Variants in ESRRG observed in about 807,000 individuals in gnomAD.
ESRRG encodes estrogen related receptor gamma.
ESRRG carries 13 observed loss-of-function variants against 44.0 expected under a neutral mutation model. The ratio of observed to expected loss-of-function variants is 0.30; its 90% CI spans 0.19 to 0.47. The LOEUF (loss-of-function observed/expected upper bound fraction) is 0.47. Among genes scored for constraint, ESRRG ranks in the 20% least tolerant of loss-of-function variants. The pLI is 1.00. For missense variants in ESRRG, 395 were observed against 580.6 expected, an observed-to-expected ratio of 0.68 and a Z score of 3.29; for synonymous variants, 215 against 214.6, an observed-to-expected ratio of 1.00 and a Z score of -0.02.
chr1:217,038,177 G>A (rs889032406), intron 1 of ESRRG, among the ~76,000 whole-genome samples: 1 of 152,220 alleles, frequency 6.6e-6, no homozygotes, highest in African/African-American at 2.4e-5. Flanking sequence ...CCCCAGAAGG[G>A]ACTCTGTGTG....
At chr1:217,026,910 C>CAGAGAGAGAG (rs1414926581) in intron 1 of ESRRG, among the ~76,000 whole-genome samples, 57 of 97,244 alleles carry the variant, frequency 5.9e-4, no homozygotes, top group African/African-American at 8.7e-4. Flanking sequence ...CACACACACA[C>CAGAGAGAGAG]ACAGAGAGAG....
intron 1 of ESRRG, among the ~76,000 whole-genome samples, chr1:217,032,470 C>A (rs953312118): frequency 6.6e-6 from 1 of 152,096 alleles, no homozygotes; most frequent in East Asian, 1.9e-4. Flanking sequence ...GATGACTAGA[C>A]AACAATTGTC....
chr1:216,543,893 AC>A (rs1352467961), intron 5 of ESRRG, among the ~76,000 whole-genome samples: 1 of 152,086 alleles, frequency 6.6e-6, no homozygotes, highest in African/African-American at 2.4e-5. Flanking sequence ...ATGCAAAAAA[AC>A]TTAGAGATTT....
At chr1:216,935,502 T>G (rs967159131) in intron 2 of ESRRG, among the ~76,000 whole-genome samples, 3 of 152,146 alleles carry the variant, frequency 2.0e-5, no homozygotes, top group African/African-American at 7.2e-5. Context: ...GCAAGGTATA[T>G]GGGAAGGGGC....
intron 2 of ESRRG, among the ~76,000 whole-genome samples, chr1:216,854,392 A>G (rs552118386): frequency 1.3e-3 from 190 of 151,404 alleles, no homozygotes; most frequent in Middle Eastern, 0.01. Flanking sequence ...AAGAAAAAAA[A>G]GAAAAAACTC....
chr1:216,779,117 T>TATATAA, intron 2 of ESRRG, among the ~76,000 whole-genome samples: 1 of 109,936 alleles, frequency 9.1e-6, no homozygotes, highest in East Asian at 2.4e-4. Flanking sequence ...TATATATATA[T>TATATAA]AATTATATAT....
At chr1:217,032,693 T>G (rs1355917712) in intron 1 of ESRRG, among the ~76,000 whole-genome samples, 1 of 152,216 alleles carries the variant, frequency 6.6e-6, no homozygotes, top group African/African-American at 2.4e-5. Context: ...TTTTGAAAAC[T>G]GTGGATGAAA....
chr1:216,587,293 C>T (rs1198732800), intron 3 of ESRRG, among the ~76,000 whole-genome samples: 3 of 152,132 alleles, frequency 2.0e-5, no homozygotes, highest in Non-Finnish European at 4.4e-5. Flanking sequence ...ACCTTGATTA[C>T]AGTATGTGCC....
chr1:216,672,875 T>G (rs1357753038), intron 2 of ESRRG, among the ~76,000 whole-genome samples: 5 of 151,910 alleles, frequency 3.3e-5, no homozygotes, highest in Admixed American at 1.3e-4. Flanking sequence ...TCAAAAATAA[T>G]AAGAAGATAT....
chr1:216,971,261 T>A, intron 1 of ESRRG, among the ~76,000 whole-genome samples: 1 of 152,144 alleles, frequency 6.6e-6, no homozygotes. Context: ...CAAAGTGAGA[T>A]CTATAAGAAT....
At chr1:216,957,844 A>G (rs2068253365) in intron 1 of ESRRG, among the ~76,000 whole-genome samples, 1 of 152,204 alleles carries the variant, frequency 6.6e-6, no homozygotes, top group Non-Finnish European at 1.5e-5. Flanking sequence ...TTTTAGGAGT[A>G]AAGTTTGATG....
intron 2 of ESRRG, among the ~76,000 whole-genome samples, chr1:216,830,427 G>A (rs769534047): frequency 5.9e-5 from 9 of 152,172 alleles, no homozygotes; most frequent in Non-Finnish European, 1.2e-4. Context: ...TGTGCACAAC[G>A]CTTGACTAAC....
intron 1 of ESRRG, among the ~76,000 whole-genome samples, chr1:217,101,884 G>A (rs10863297): frequency 0.077 from 11,760 of 152,050 alleles, 508 homozygotes; most frequent in South Asian, 0.15. Flanking sequence ...TTGGCTCACC[G>A]CAACCTCTGC....
chr1:216,528,538 AT>A (rs770915153), intron 5 of ESRRG, among the ~76,000 whole-genome samples: 3 of 152,182 alleles, frequency 2.0e-5, no homozygotes, highest in Non-Finnish European at 4.4e-5. Context: ...TGTAGCTTGC[AT>A]TTTAAGCCTC....
intron 2 of ESRRG, among the ~76,000 whole-genome samples, chr1:216,774,390 C>T (rs371662905): frequency 7.2e-5 from 11 of 152,224 alleles, no homozygotes; most frequent in African/African-American, 1.9e-4. Flanking sequence ...CGTTCCATTA[C>T]GCAGTGCGGT....
At chr1:217,017,134 A>G (rs1579542511) in intron 1 of ESRRG, among the ~76,000 whole-genome samples, 1 of 152,176 alleles carries the variant, frequency 6.6e-6, no homozygotes, top group African/African-American at 2.4e-5. Context: ...TTCTTATTTT[A>G]GAACTGTAGA....
intron 2 of ESRRG, among the ~76,000 whole-genome samples, chr1:216,882,259 T>A (rs1179827498): frequency 1.3e-5 from 2 of 152,170 alleles, no homozygotes; most frequent in Non-Finnish European, 2.9e-5. Flanking sequence ...AGATGGTCCA[T>A]CAGCTTTGAA....
At position 216,597,080 on chromosome 1, in the gene ESRRG, C is replaced by T. The variant is rs114215210; in HGVS notation, c.590-28982G>A. 3.1e-3 allele frequency among the ~76,000 whole-genome samples: 471 copies of T among 152,244 alleles called. 8 individuals carry two copies. The highest frequency in any genetic ancestry group is 2.5e-3 in the Non-Finnish European group (173 of 68,026). ...CAATAATAGTAATAAACAGAACCCACATTTACCCACATTTAATTGTCTATT... is the reference window on the plus strand; with the variant it reads ...CAATAATAGTAATAAACAGAACCCATATTTACCCACATTTAATTGTCTATT... On this transcript the variant is annotated intron_variant, in intron 3 of 6. Transcript: ENST00000408911.
intron 1 of ESRRG, among the ~76,000 whole-genome samples, chr1:216,996,273 C>T (rs2185224): frequency 0.85 from 129,504 of 151,684 alleles, 55,461 homozygotes; most frequent in East Asian, 1. Flanking sequence ...TGATATGTTA[C>T]ATTTTAAAAG....
Sources: gnomAD v4.1 joint callset for allele counts (sites outside exome capture counted in the v4.1 genomes callset) on GRCh38, gnomAD v4.1.1 for gene constraint, MANE v1.5 for transcripts, NCBI Gene and HGNC (gene_info 2026-07-23, HGNC 2026-07-21) for gene names.